Variants in WDPCP observed in about 807,000 individuals in gnomAD.
WDPCP encodes the protein WD repeat-containing and planar cell polarity effector protein fritz homolog.
WDPCP carries 71 observed loss-of-function variants against 93.1 expected under a neutral mutation model. The ratio of observed to expected loss-of-function variants is 0.76; its 90% CI spans 0.63 to 0.93. WDPCP has a LOEUF of 0.93. WDPCP is among the 40% of genes least tolerant of loss of function. The pLI, the probability that WDPCP is intolerant of heterozygous loss-of-function variation, is 0.00. For synonymous variants in WDPCP, 315 were observed against 315.0 expected (o/e 1.00, Z 0.00); for missense variants, 844 against 887.4 (o/e 0.95, Z 0.62).
chr2:63,593,987 T>TA lies in WDPCP; in HGVS notation n.488+56671dup, dbSNP rs558763378. 1.1e-3 allele frequency among the ~76,000 whole-genome samples: 161 copies of TA among 152,276 alleles called. 1 individual carries two copies. The highest frequency in any genetic ancestry group is 3.8e-3 in the African/African-American group (159 of 41,578). ...CATGTTGCTGTTGTTTCTCCCGAAATAAAAAATCTTGTTTTTCCTCCTCCA... is the reference window on the plus strand; with the variant it reads ...CATGTTGCTGTTGTTTCTCCCGAAATAAAAAAATCTTGTTTTTCCTCCTCCA... On this transcript the variant is annotated intron_variant and non_coding_transcript_variant, in intron 3 of 4. Transcript: ENST00000467687.
chr2:63,792,890 A>T (rs1469310396), intron 2 of WDPCP, among the ~76,000 whole-genome samples: 3 of 152,026 alleles, frequency 2.0e-5, no homozygotes, highest in Non-Finnish European at 1.5e-5. Context: ...AGGCCTCATG[A>T]ATAACATCAT....
intron 7 of WDPCP, 128 bp from the exon 8 acceptor site, chr2:63,437,682 A>T: frequency 9.6e-7 from 1 of 1,039,846 alleles, no homozygotes; most frequent in South Asian, 1.8e-5. Context: ...CTTGAATATC[A>T]TTATAGCATT....
intron 1 of WDPCP, among the ~76,000 whole-genome samples, chr2:63,529,139 A>G (rs1045384784): frequency 1.3e-5 from 2 of 152,208 alleles, no homozygotes; most frequent in Non-Finnish European, 2.9e-5. Context: ...TTTTCTAAAT[A>G]TACAATCGTG....
At chr2:63,630,033 C>T (rs147118200) in intron 3 of WDPCP, among the ~76,000 whole-genome samples, 8 of 152,156 alleles carry the variant, frequency 5.3e-5, no homozygotes, top group Non-Finnish European at 7.4e-5. Flanking sequence ...ATAAATGCTT[C>T]AATGAGAAAT....
chr2:63,347,290 G>A (rs535534512), intron 12 of WDPCP, among the ~76,000 whole-genome samples: 15 of 152,264 alleles, frequency 9.9e-5, no homozygotes, highest in African/African-American at 3.6e-4. Flanking sequence ...AGTTATATTT[G>A]AACTTCAGAT....
intron 15 of WDPCP, among the ~76,000 whole-genome samples, chr2:63,170,558 C>T (rs565812837): frequency 9.2e-5 from 14 of 152,272 alleles, no homozygotes; most frequent in South Asian, 6.2e-4. Context: ...CGTGAGCCAC[C>T]GTGCCTGGCC....
At chr2:63,477,259 GA>G (rs1479865542) in intron 6 of WDPCP, among the ~76,000 whole-genome samples, 1 of 151,972 alleles carries the variant, frequency 6.6e-6, no homozygotes, top group Admixed American at 6.6e-5. Context: ...TCTAGGAACA[GA>G]TTTATAATGA....
chr2:63,358,072 G>A (rs2104623444), intron 12 of WDPCP, among the ~76,000 whole-genome samples: 1 of 152,054 alleles, frequency 6.6e-6, no homozygotes, highest in Non-Finnish European at 1.5e-5. Flanking sequence ...CATATGAACT[G>A]GGGTCTACTT....
intron 17 of WDPCP, among the ~76,000 whole-genome samples, chr2:63,125,817 G>T (rs985240930): frequency 1.3e-5 from 2 of 152,074 alleles, no homozygotes; most frequent in Non-Finnish European, 2.9e-5. Context: ...TCCCGTGTTG[G>T]CCGGGCTGGT....
At chr2:63,327,133 G>A (rs1298856454) in intron 12 of WDPCP, among the ~76,000 whole-genome samples, 18 of 152,146 alleles carry the variant, frequency 1.2e-4, no homozygotes, top group Non-Finnish European at 1.5e-5. Flanking sequence ...TTCCTCCCAG[G>A]CGATTAAGGG....
At chr2:63,134,664 T>C (rs1249770740) in intron 17 of WDPCP, among the ~76,000 whole-genome samples, 1 of 152,266 alleles carries the variant, frequency 6.6e-6, no homozygotes, top group Non-Finnish European at 1.5e-5. Context: ...TGCAAATTGC[T>C]TCATTTATTA....
intron 2 of WDPCP, among the ~76,000 whole-genome samples, chr2:63,733,097 T>G (rs150720090): frequency 6.6e-6 from 1 of 151,920 alleles, no homozygotes; most frequent in Non-Finnish European, 1.5e-5. Flanking sequence ...AATATAAGTA[T>G]GTTTGGAAAG....
intron 15 of WDPCP, among the ~76,000 whole-genome samples, chr2:63,171,445 G>A (rs879356423): frequency 6.6e-6 from 1 of 152,130 alleles, no homozygotes; most frequent in African/African-American, 2.4e-5. Flanking sequence ...AACATCATTA[G>A]TTGTTAGGGA....
rs1674291358 is a variant in WDPCP at position 63,182,118 on chromosome 2, T to C, written c.1916-7286A>G. Among the ~76,000 whole-genome samples the C allele has an allele frequency of 2.0e-5, 3 of 152,208 alleles. No homozygotes were observed. The South Asian group carries it at 6.2e-4, about 32-fold the overall frequency. ...AACAGAGATAAGTTGACTTCATCTT[T>C]TCCAAATTTGGATGCCTTTTATTTC... On this transcript the variant is annotated intron_variant, in intron 14 of 17. Transcript: ENST00000272321.
chr2:63,813,901 T>C (rs1387589730), intron 1 of WDPCP, among the ~76,000 whole-genome samples: 2 of 152,230 alleles, frequency 1.3e-5, no homozygotes, highest in African/African-American at 4.8e-5. Flanking sequence ...TGCTGATAAA[T>C]ACTAATATGT....
intron 14 of WDPCP, among the ~76,000 whole-genome samples, chr2:63,186,820 T>C (rs1674676500): frequency 6.6e-6 from 1 of 151,738 alleles, no homozygotes; most frequent in African/African-American, 2.4e-5. Context: ...TGTTTTTTTT[T>C]TTTTTTGCTT....
At chr2:63,375,486 G>A (rs967636943) in intron 12 of WDPCP, among the ~76,000 whole-genome samples, 7 of 151,972 alleles carry the variant, frequency 4.6e-5, no homozygotes, top group African/African-American at 1.7e-4. Context: ...AACGTTAGGA[G>A]CTTAATTTAC....
intron 3 of WDPCP, chr2:63,597,259 C>T (rs2106611094): frequency 1.6e-6 from 2 of 1,234,462 alleles, no homozygotes; most frequent in Non-Finnish European, 2.0e-6. Flanking sequence ...TTATCTTTCT[C>T]AGGCTCCTGA....
At chr2:63,146,436 G>A (rs887286519) in intron 17 of WDPCP, among the ~76,000 whole-genome samples, 4 of 130,232 alleles carry the variant, frequency 3.1e-5, no homozygotes, top group Admixed American at 8.8e-5. Context: ...ACAGAGTCTT[G>A]CTGTATTGCC....
Sources: allele counts gnomAD v4.1 joint callset (sites outside exome capture counted in the v4.1 genomes callset), GRCh38; gene constraint gnomAD v4.1.1; transcripts MANE v1.5; gene names NCBI Gene and HGNC (gene_info 2026-07-23, HGNC 2026-07-21).